ALS2: variants seen among roughly 807,000 people sequenced by gnomAD.
ALS2 encodes alsin.
ALS2 carries 117 observed loss-of-function variants against 203.4 expected under a neutral mutation model. The ratio of observed to expected loss-of-function variants is 0.58; its 90% CI spans 0.50 to 0.67. The LOEUF is 0.67. ALS2 is among the 30% of genes least tolerant of loss of function. The pLI is 0.00. For synonymous variants in ALS2, 718 were observed against 725.9 expected (o/e 0.99, Z 0.17); for missense variants, 1,715 against 1,989.4 (o/e 0.86, Z 2.62).
At chr2:201,726,290 A>C (rs1187571825) in intron 19 of ALS2, among the ~76,000 whole-genome samples, 194 bp downstream of exon 19, 1 of 152,224 alleles carries the variant, frequency 6.6e-6, no homozygotes, top group East Asian at 1.9e-4. Context: ...CTATCAGGGA[A>C]AATGACCCAG....
In ALS2 at chr2:201,704,554, C is replaced by T. The variant is rs1689585672; in HGVS notation, c.4738G>A (p.Glu1580Lys). 6.2e-7 allele frequency: 1 copy of T among 1,613,988 alleles called. No homozygotes were observed. The highest frequency in any genetic ancestry group is 8.5e-7 in the Non-Finnish European group (1 of 1,180,018). Residue 1580 changes from glutamate (E) to lysine (K), a missense_variant, in exon 32 of 34, where the codon GAG becomes AAG. Transcript: ENST00000264276. ...GCCAGGACACTCTGAGAGATCTCCTCAAAAGTCTGCTGGATGACCTTAAGT... is the reference window on the plus strand; with the variant it reads ...GCCAGGACACTCTGAGAGATCTCCTTAAAAGTCTGCTGGATGACCTTAAGT... ...DKLKVIQQTF[E>K]EISQSVLASL...
At chr2:201,715,190 G>A (rs1157205676) in intron 25 of ALS2, among the ~76,000 whole-genome samples, 1 of 152,156 alleles carries the variant, frequency 6.6e-6, no homozygotes, top group African/African-American at 2.4e-5. Flanking sequence ...TTGGGCATGA[G>A]AGAATAGAGA....
intron 23 of ALS2, 152 bp downstream of exon 23, chr2:201,722,891 G>A: frequency 3.2e-6 from 2 of 628,552 alleles, no homozygotes; most frequent in Non-Finnish European, 5.6e-6. Flanking sequence ...GGATTGTGGT[G>A]GTGGTTTGTA....
intron 12 of ALS2, among the ~76,000 whole-genome samples, chr2:201,737,374 TA>T (rs1196875824): frequency 6.6e-6 from 1 of 152,158 alleles, no homozygotes; most frequent in Non-Finnish European, 1.5e-5. Context: ...ACTGTATAAG[TA>T]AATTTAATTC....
chr2:201,755,572 T>TA (rs1693331181), intron 5 of ALS2, among the ~76,000 whole-genome samples: 1 of 152,122 alleles, frequency 6.6e-6, no homozygotes, highest in Non-Finnish European at 1.5e-5. Flanking sequence ...TCCCATCTCT[T>TA]AAAACACAAA....
At chr2:201,731,410 G>A (rs1307576357) in intron 13 of ALS2, among the ~76,000 whole-genome samples, 1 of 151,972 alleles carries the variant, frequency 6.6e-6, no homozygotes, top group Non-Finnish European at 1.5e-5. Context: ...TTCTAGCTCT[G>A]CCAATTCTCA....
Position 201,707,909 on chromosome 2 carries a change from T to G in ALS2, c.4363A>C (p.Thr1455Pro), listed in dbSNP as rs927679453. 3 of 1,613,602 alleles carry G rather than the reference T, an allele frequency of 1.9e-6. No individual in the cohort carries two copies. Among genetic ancestry groups the G allele is most frequent in the Non-Finnish European group, 2.5e-6 (3 of 1,179,680 alleles). The change falls in exon 28 of 34, where the codon ACT (threonine) becomes CCT (proline). Residue 1455 changes from threonine to proline, a missense_variant. Physicochemically the swap from Thr to Pro is conservative, Grantham distance 38. Coordinates refer to ENST00000264276, the MANE Select transcript of ALS2 (RefSeq NM_020919.4). ...TCAGATCGGGAATCTGACTTCCCAG[T>G]GCAAAAAGACTTCCTTTCGGTTGGC... The part of the protein sequence containing the change: ...PLPTERKSFC[T>P]GKSDSRSESP...
Position 201,754,486 on chromosome 2 carries a change from A to G in ALS2, c.1640+17T>C. On this transcript the variant is annotated intron_variant, in intron 6 of 33. Coordinates refer to ENST00000264276, the MANE Select transcript of ALS2 (RefSeq NM_020919.4). Reference sequence around the variant, plus strand: ...TGTTTAAGCCAACTTCTATCGGTAAATGTTGGTAGCGCTTACCTAGGCAGA... The same window carrying G: ...TGTTTAAGCCAACTTCTATCGGTAAGTGTTGGTAGCGCTTACCTAGGCAGA... 6.2e-7 allele frequency: 1 copy of G among 1,613,932 alleles called. No homozygotes were observed. The highest frequency in any genetic ancestry group is 8.5e-7 in the Non-Finnish European group (1 of 1,179,886).
At chr2:201,720,118 C>T (rs778120646) in intron 23 of ALS2, 2 of 433,050 alleles carry the variant, frequency 4.6e-6, no homozygotes, top group Non-Finnish European at 9.1e-6. Context: ...TTCTATGAGG[C>T]CAGAATTATC....
intron 24 of ALS2, among the ~76,000 whole-genome samples, chr2:201,717,285 T>C (rs1377543107): frequency 6.6e-6 from 1 of 151,730 alleles, no homozygotes; most frequent in African/African-American, 2.4e-5. Flanking sequence ...GCCAACATGG[T>C]GAAACCCTGT....
intron 8 of ALS2, among the ~76,000 whole-genome samples, chr2:201,747,056 A>G (rs1277893627): frequency 6.6e-6 from 1 of 152,228 alleles, no homozygotes; most frequent in African/African-American, 2.4e-5. Flanking sequence ...ACTGTATTAT[A>G]ATGAAGAGAC....
chr2:201,728,577 G>A lies in ALS2; in HGVS notation c.2776C>T (p.Gln926Ter). ...TTCACGGAAAACCTCCCAGCATGCTGCAGAGACAGGGCTCGGTTACTACTC... is the reference window on the plus strand; with the variant it reads ...TTCACGGAAAACCTCCCAGCATGCTACAGAGACAGGGCTCGGTTACTACTC... ...CESSNRALSL[Q>*]HAGRFSVNWF... The change falls in exon 15 of 34, where the codon CAG (glutamine) becomes TAG (stop). Residue 926 changes from glutamine (Q) to a stop codon, truncating the protein, a stop_gained. Coordinates refer to ENST00000264276, the MANE Select transcript of ALS2 (RefSeq NM_020919.4). LOFTEE classifies it high-confidence loss of function. The A allele has an allele frequency of 6.2e-7, 1 of 1,614,090 alleles. No individual in the cohort carries two copies. The highest frequency in any genetic ancestry group is 8.5e-7 in the Non-Finnish European group (1 of 1,179,988).
chr2:201,709,810 G>A (rs1689926600), intron 27 of ALS2, 71 bp downstream of exon 27: 1 of 1,589,022 alleles, frequency 6.3e-7, no homozygotes, highest in African/African-American at 1.3e-5. Context: ...ATGATTCAGG[G>A]TGAAACTACC....
chr2:201,754,614 G>T lies in ALS2; in HGVS notation c.1529C>A (p.Thr510Asn), dbSNP rs553048738. The T allele has an allele frequency of 6.2e-7, 1 of 1,614,120 alleles. No homozygotes were observed. The highest frequency in any genetic ancestry group is 8.5e-7 in the Non-Finnish European group (1 of 1,180,008). Residue 510 changes from threonine to asparagine, a missense_variant, in exon 6 of 34, where the codon ACC becomes AAC. By Grantham distance (65) the Thr-to-Asn change is moderately conservative (BLOSUM62 0). Transcript: ENST00000264276. ...ARVKTRTVVL[T>N]PTYSGEADAL... ...ATCTGCTTCTCCACTGTATGTGGGG[G>T]TCAGAACCACTGTCCTCGTTTTCAC...
intron 12 of ALS2, among the ~76,000 whole-genome samples, chr2:201,733,981 T>C (rs1691728310): frequency 6.6e-6 from 1 of 152,188 alleles, no homozygotes; most frequent in East Asian, 1.9e-4. Flanking sequence ...AGTATTACAG[T>C]TAACAAGAAA....
chr2:201,741,857 A>G lies in ALS2; in HGVS notation c.2171-3T>C, dbSNP rs1250880797. ...TGTAGTTGTAGTGCCCAAATTTTCT[A>G]TAACAAAATAATGATGATGATGACA... On this transcript the variant is annotated splice_polypyrimidine_tract_variant and splice_region_variant and intron_variant, in intron 10 of 33. Transcript: ENST00000264276. The G allele has an allele frequency of 5.0e-6, 8 of 1,609,576 alleles. No homozygotes were observed. The highest frequency in any genetic ancestry group is 5.1e-6 in the Non-Finnish European group (6 of 1,176,296).
chr2:201,742,334 G>C (rs771889257), intron 10 of ALS2, among the ~76,000 whole-genome samples: 1 of 152,158 alleles, frequency 6.6e-6, no homozygotes, highest in Non-Finnish European at 1.5e-5. Flanking sequence ...TCTTTGAAAA[G>C]CCCAACCCTT....
At position 201,700,708 on chromosome 2, in the gene ALS2, A is replaced by C. The variant is rs1362508711; in HGVS notation, c.*1143T>G. 6.5e-6 allele frequency: 1 copy of C among 152,684 alleles called. No individual in the cohort carries two copies. The highest frequency in any genetic ancestry group is 2.4e-5 in the African/African-American group (1 of 41,468). 9.5% of individuals were successfully genotyped at this position (152,684 alleles called of 1,614,324 possible). A position where few individuals can be genotyped will look rare whatever the true frequency, so the allele number is the denominator to read the frequency against. ...AACATCTTCTCAGTCACTTAACACA[A>C]ATCAGGACACTCTGTATGCTCACCA... is the stretch of plus-strand genomic sequence containing the variant. On this transcript the variant is annotated 3_prime_UTR_variant, in exon 34 of 34. Transcript: ENST00000264276.
chr2:201,741,611 A>G lies in ALS2; in HGVS notation c.2351+63T>C. On this transcript the variant is annotated intron_variant, in intron 11 of 33. Transcript: ENST00000264276. ...CTAATCTAGTCTCTTCTGATTAAGG[A>G]GCTGTTCTCCTTGGCAGAATAACCC... is the stretch of plus-strand genomic sequence containing the variant. 5 of 1,511,676 alleles carry G rather than the reference A, an allele frequency of 3.3e-6. No individual in the cohort carries two copies. In the Middle Eastern group the frequency reaches 8.5e-4, roughly 257 times the overall value. The allele number at this position is 1,511,676 out of a possible 1,614,324, so 93.6% of individuals were successfully genotyped here. A position where few individuals can be genotyped will look rare whatever the true frequency, so the allele number is the denominator to read the frequency against.
Sources: allele counts gnomAD v4.1 joint callset (sites outside exome capture counted in the v4.1 genomes callset), GRCh38; gene constraint gnomAD v4.1.1; transcripts MANE v1.5; gene names NCBI Gene and HGNC (gene_info 2026-07-23, HGNC 2026-07-21).